Variants in A2ML1 observed in about 807,000 individuals in gnomAD.
A2ML1 encodes alpha-2-macroglobulin like 1.
A2ML1 carries 161 observed loss-of-function variants against 181.9 expected under a neutral mutation model. The ratio of observed to expected loss-of-function variants is 0.89; its 90% CI spans 0.78 to 1.01. A2ML1 has a LOEUF of 1.01. Ranked by LOEUF, A2ML1 falls within the 50% of genes least tolerant of loss-of-function variation. The pLI is 0.00. For missense variants in A2ML1, 1,670 were observed against 1,768.1 expected (o/e 0.94, Z 1.00); for synonymous variants, 663 against 666.8 (o/e 0.99, Z 0.09).
rs1942799102 is a variant in A2ML1 at position 8,823,136 on chromosome 12, GTGAA to G, written c.63-40_63-37del. 3.8e-6 allele frequency: 6 copies of G among 1,580,924 alleles called. No homozygotes were observed. In the East Asian group the frequency reaches 1.3e-4, roughly 35 times the overall value. On this transcript the variant is annotated intron_variant, in intron 1 of 35. Coordinates refer to ENST00000299698, the MANE Select transcript of A2ML1 (RefSeq NM_144670.6). Reference sequence around the variant, plus strand: ...CTTAGGAGAGTGCTGGATTTTTCGAGTGAATGAATCATTATTGCCCTGAAATCCT... The same window carrying G: ...CTTAGGAGAGTGCTGGATTTTTCGAGTGAATCATTATTGCCCTGAAATCCT...
chr12:8,864,816 G>A (rs138219875), intron 29 of A2ML1, among the ~76,000 whole-genome samples: 2,692 of 15,138 alleles, frequency 0.18, 1,208 homozygotes, highest in Admixed American at 0.19. Context: ...CATGCAAAAG[G>A]TACAACATAT....
Position 8,852,128 on chromosome 12 carries a change from C to T in A2ML1, c.2464-82C>T, listed in dbSNP as rs993816828. 3.2e-5 allele frequency: 51 copies of T among 1,589,806 alleles called. No individual in the cohort carries two copies. Among genetic ancestry groups the T allele is most frequent in the South Asian group, 1.7e-4 (15 of 88,364 alleles). ...CCCTGGGAAAGAGAGGAGATGTCGG[C>T]GTCTCAGCCCCCAGGTTTCCCCAGG... is the stretch of plus-strand genomic sequence containing the variant. On this transcript the variant is annotated intron_variant, in intron 19 of 35. Coordinates refer to ENST00000299698, the MANE Select transcript of A2ML1 (RefSeq NM_144670.6). The surrounding 1 kb of genome is among the most constrained non-coding windows in gnomAD (Gnocchi z 4.2).
chr12:8,833,489 C>T (rs775225573), intron 4 of A2ML1, among the ~76,000 whole-genome samples: 4 of 152,126 alleles, frequency 2.6e-5, no homozygotes, highest in South Asian at 2.1e-4. Flanking sequence ...CTCCACTGTC[C>T]GGGTTCAAGT....
In A2ML1 at chr12:8,868,318, C is replaced by T. The variant is rs376705356; in HGVS notation, c.4022C>T (p.Pro1341Leu). The change falls in exon 31 of 36, where the codon CCG becomes CTG. Residue 1341 changes from proline to leucine, a missense_variant. Pro to Leu is a moderately conservative substitution (Grantham distance 98). Coordinates refer to ENST00000299698, the MANE Select transcript of A2ML1 (RefSeq NM_144670.6). ...ATAGGAAAAGCTAGATGTGAGCAAC[C>T]GACTTCACCTCGATCCTTGACTCTC... ...VEIGKARCEQ[P>L]TSPRSLTLTI... 41 of 1,613,272 alleles carry T rather than the reference C, an allele frequency of 2.5e-5. No homozygotes were observed. Among genetic ancestry groups the T allele is most frequent in the Non-Finnish European group, 3.1e-5 (36 of 1,179,866 alleles).
At chr12:8,842,380 G>T (rs920917410) in intron 11 of A2ML1, among the ~76,000 whole-genome samples, 3 of 140,502 alleles carry the variant, frequency 2.1e-5, no homozygotes, top group Non-Finnish European at 4.7e-5. Context: ...CACCACGCCC[G>T]GCTAATTTTT....
At chr12:8,824,515 T>C (rs1164264184) in intron 3 of A2ML1, among the ~76,000 whole-genome samples, 2 of 152,022 alleles carry the variant, frequency 1.3e-5, no homozygotes, top group East Asian at 1.9e-4. Context: ...TATACTCTCT[T>C]AGTAATTTTT....
intron 26 of A2ML1, among the ~76,000 whole-genome samples, chr12:8,858,995 T>C (rs1344234301): frequency 1.3e-5 from 2 of 152,050 alleles, no homozygotes; most frequent in African/African-American, 4.8e-5. Flanking sequence ...GGTATGCCAT[T>C]ATTAATCCCA....
At chr12:8,870,567 G>A (rs777741713) in intron 33 of A2ML1, among the ~76,000 whole-genome samples, 10 of 152,254 alleles carry the variant, frequency 6.6e-5, no homozygotes, top group African/African-American at 1.7e-4. Context: ...GCACCCAGCC[G>A]AGTTGTGTAT....
downstream of A2ML1, among the ~76,000 whole-genome samples, chr12:8,879,623 C>G (rs1467324900): frequency 6.6e-6 from 1 of 152,150 alleles, no homozygotes; most frequent in Non-Finnish European, 1.5e-5. Context: ...AATGGTGATC[C>G]TCAAGACTTA....
Position 8,868,531 on chromosome 12 carries a change from T to G in A2ML1, c.4062-6T>G. The G allele has an allele frequency of 6.2e-7, 1 of 1,613,760 alleles. No homozygotes were observed. Among genetic ancestry groups the G allele is most frequent in the Non-Finnish European group, 8.5e-7 (1 of 1,179,900 alleles). ...CTCACATGTGTTTTCTTCTTCCTGC[T>G]CTCAGTTATGTGGGGAGCCGTAGCT... is the stretch of plus-strand genomic sequence containing the variant. On this transcript the variant is annotated splice_polypyrimidine_tract_variant and splice_region_variant and intron_variant, in intron 31 of 35. Coordinates refer to ENST00000299698, the MANE Select transcript of A2ML1 (RefSeq NM_144670.6).
Position 8,841,504 on chromosome 12 carries a change from T to G in A2ML1, c.1216T>G (p.Ser406Ala), listed in dbSNP as rs776214499. ...NGLAPFTLET[S>A]GWNGTDVSLE... ...CCTAGCTCCCTTTACCTTGGAGACA[T>G]CCGGTTGGAATGGGACAGACGTTTC... The change falls in exon 11 of 36, where the codon TCC becomes GCC. Residue 406 changes from serine (S) to alanine (A), a missense_variant. By Grantham distance (99) the Ser-to-Ala change is moderately conservative (BLOSUM62 1). Transcript: ENST00000299698. The G allele has an allele frequency of 1.2e-6, 2 of 1,613,964 alleles. No homozygotes were observed. Among genetic ancestry groups the G allele is most frequent in the African/African-American group, 2.7e-5 (2 of 74,900 alleles).
Position 8,874,969 on chromosome 12 carries a change from A to C in A2ML1, c.4325-2A>C, listed in dbSNP as rs1477916197. ...AATAATATGACTTATTTCATTTCAC[A>C]GATGAACAGGCAACAATTCAGTATT... On this transcript the variant is annotated splice_acceptor_variant, in intron 34 of 35. Coordinates refer to ENST00000299698, the MANE Select transcript of A2ML1 (RefSeq NM_144670.6). LOFTEE classifies it high-confidence loss of function. The C allele has an allele frequency of 6.2e-7, 1 of 1,613,950 alleles. No individual in the cohort carries two copies. The highest frequency in any genetic ancestry group is 8.5e-7 in the Non-Finnish European group (1 of 1,179,964).
intron 18 of A2ML1, among the ~76,000 whole-genome samples, chr12:8,851,079 C>A (rs1407792839): frequency 6.6e-6 from 1 of 152,188 alleles, no homozygotes; most frequent in Non-Finnish European, 1.5e-5. Context: ...CCACTCAAAA[C>A]AAATCCACAC....
intron 3 of A2ML1, among the ~76,000 whole-genome samples, chr12:8,828,335 C>T (rs1942997352): frequency 6.6e-6 from 1 of 152,182 alleles, no homozygotes; most frequent in Non-Finnish European, 1.5e-5. Context: ...GTCCTTCCCA[C>T]TCTTCCTTCC....
At chr12:8,872,409 A>G (rs998715662) in intron 33 of A2ML1, among the ~76,000 whole-genome samples, 5 of 152,186 alleles carry the variant, frequency 3.3e-5, no homozygotes, top group South Asian at 4.2e-4. Flanking sequence ...AACTGAGACA[A>G]TCTTAAAATA....
In A2ML1 at chr12:8,867,946, C is replaced by G; in HGVS notation, c.3822C>G (p.Arg1274=). 1 of 1,614,230 alleles carries G rather than the reference C, an allele frequency of 6.2e-7. No individual in the cohort carries two copies. The highest frequency in any genetic ancestry group is 8.5e-7 in the Non-Finnish European group (1 of 1,180,050). Residue 1274 remains arginine (R), a synonymous_variant, in exon 30 of 36, where the codon CGC becomes CGG. Transcript: ENST00000299698. ...TAAAATCCACTGAGAATTTCCAGCG[C>G]ACATTCAACATACAGTCAGTTAACA... ...LVVKSTENFQ[R]TFNIQSVNRL... is the part of the protein sequence containing the mutation.
At position 8,845,458 on chromosome 12, in the gene A2ML1, G is replaced by A. The variant is rs765844188; in HGVS notation, c.1493G>A (p.Ser498Asn). 2 of 1,614,198 alleles carry A rather than the reference G, an allele frequency of 1.2e-6. No homozygotes were observed. Among genetic ancestry groups the A allele is most frequent in the East Asian group, 2.2e-5 (1 of 44,878 alleles). ...CTTCTTTAGTTAATAGGGAAAGGAA[G>A]TTTGGTGATGGAGGGGCAGAAACAC... ...SFSYYLIGKG[S>N]LVMEGQKHLN... Residue 498 changes from serine (S) to asparagine (N), a missense_variant, in exon 13 of 36, where the codon AGT becomes AAT. Physicochemically the swap from Ser to Asn is conservative, Grantham distance 46 (BLOSUM62 1). Transcript: ENST00000299698.
intron 12 of A2ML1, among the ~76,000 whole-genome samples, chr12:8,843,792 C>T (rs1381347680): frequency 6.7e-6 from 1 of 149,496 alleles, no homozygotes; most frequent in African/African-American, 2.5e-5. Context: ...GTTCTTGGCT[C>T]ACTGCAAGCT....
intron 4 of A2ML1, among the ~76,000 whole-genome samples, chr12:8,832,762 C>T (rs1032118788): frequency 1.3e-5 from 2 of 152,138 alleles, no homozygotes; most frequent in East Asian, 1.9e-4. Context: ...AGGAGTGGAA[C>T]TGCTTAGAAG....
Sources: gnomAD v4.1 joint callset for allele counts (sites outside exome capture counted in the v4.1 genomes callset) on GRCh38, gnomAD v4.1.1 for gene constraint, Gnocchi (gnomAD v3.1) non-coding constraint, MANE v1.5 for transcripts, NCBI Gene and HGNC (gene_info 2026-07-23, HGNC 2026-07-21) for gene names.